The following ANO10 variants were observed in gnomAD, a reference collection of about 807,000 sequenced individuals.
ANO10 encodes the protein anoctamin-10.
ANO10 carries 77 observed loss-of-function variants against 74.7 expected under a neutral mutation model. The observed-to-expected ratio is 1.03, with a 90% confidence interval of 0.86 to 1.25. The LOEUF (loss-of-function observed/expected upper bound fraction) is 1.25, where lower values mean the gene tolerates loss of function less well. Ranked by LOEUF, ANO10 falls within the 50% of genes most tolerant of loss-of-function variation. ANO10 has a pLI of 0.00. For synonymous variants in ANO10, 279 were observed against 284.9 expected, an observed-to-expected ratio of 0.98 and a Z score of 0.21; for missense variants, 721 against 778.1, an observed-to-expected ratio of 0.93 and a Z score of 0.87.
At chr3:43,455,200 C>T (rs571524190) in intron 11 of ANO10, among the ~76,000 whole-genome samples, 67 of 152,120 alleles carry the variant, frequency 4.4e-4, no homozygotes, top group African/African-American at 1.5e-3. Flanking sequence ...GGGAAGGAGG[C>T]ACTGGAGGAC....
chr3:43,377,782 T>C lies in ANO10; in HGVS notation c.1915-10808A>G, dbSNP rs991946460. On this transcript the variant is annotated intron_variant, in intron 12 of 12. Transcript: ENST00000292246. ...TCCTTCAGTGAAAGCCATGGCTAGG[T>C]GACATTTACAGATCCAGGAATTGAA... Among the ~76,000 whole-genome samples the C allele has an allele frequency of 2.5e-4, 38 of 152,128 alleles. 1 individual carries two copies. Among genetic ancestry groups the C allele is most frequent in the Non-Finnish European group, 1.3e-4 (9 of 68,022 alleles).
chr3:43,670,828 C>A (rs1243305641), intron 1 of ANO10, among the ~76,000 whole-genome samples: 1 of 152,132 alleles, frequency 6.6e-6, no homozygotes, highest in Non-Finnish European at 1.5e-5. Context: ...CTTTCAACTG[C>A]CCTACAACAG....
At chr3:43,442,203 G>T (rs1319705866) in intron 11 of ANO10, among the ~76,000 whole-genome samples, 1 of 151,678 alleles carries the variant, frequency 6.6e-6, no homozygotes, top group Non-Finnish European at 1.5e-5. Flanking sequence ...ATAAATAAAA[G>T]GTATCCAAAT....
intron 12 of ANO10, among the ~76,000 whole-genome samples, chr3:43,391,336 T>C (rs757358376): frequency 3.3e-5 from 5 of 152,194 alleles, no homozygotes; most frequent in Non-Finnish European, 5.9e-5. Context: ...CAACTGACTA[T>C]TCTGAGGAAA....
intron 1 of ANO10, among the ~76,000 whole-genome samples, chr3:43,656,751 G>A (rs1341639570): frequency 6.6e-6 from 1 of 152,242 alleles, no homozygotes; most frequent in Non-Finnish European, 1.5e-5. Context: ...CGCCCACCTG[G>A]AACTCCAGCT....
chr3:43,482,812 G>T (rs987796704), intron 11 of ANO10, among the ~76,000 whole-genome samples: 1 of 152,224 alleles, frequency 6.6e-6, no homozygotes, highest in East Asian at 1.9e-4. Flanking sequence ...GCAGGGTGGA[G>T]CCTAGGCTGG....
At chr3:43,501,038 G>A (rs1187716802) in intron 11 of ANO10, among the ~76,000 whole-genome samples, 3 of 152,118 alleles carry the variant, frequency 2.0e-5, no homozygotes, top group Admixed American at 6.5e-5. Context: ...AGATGCCATC[G>A]TCCATTAGTA....
In ANO10 at chr3:43,674,239, A is replaced by T. The variant is rs2084093944; in HGVS notation, c.-12+17278T>A. ...ACTGTAATGTTGAACTTCTGGGCTC[A>T]AGTGATCTTCCCTCCTTATCCTCCA... On this transcript the variant is annotated intron_variant, in intron 1 of 3. Transcript: ENST00000413397. Among the ~76,000 whole-genome samples the T allele has an allele frequency of 2.0e-5, 3 of 152,194 alleles. 1 individual carries two copies. The South Asian group carries it at 6.2e-4, about 31-fold the overall frequency.
chr3:43,424,344 T>C (rs35015014), intron 12 of ANO10, among the ~76,000 whole-genome samples: 28,183 of 152,250 alleles, frequency 0.19, 3,134 homozygotes, highest in Middle Eastern at 0.36. Flanking sequence ...ACTTAGTTTA[T>C]AGTTTAACTT....
intron 4 of ANO10, among the ~76,000 whole-genome samples, chr3:43,585,579 C>G (rs1293158886): frequency 2.0e-5 from 3 of 152,172 alleles, no homozygotes; most frequent in Non-Finnish European, 4.4e-5. Context: ...AAAGAGCACA[C>G]ACACTCTTTT....
chr3:43,432,968 T>TTTTTTTTTTTTTTG, intron 11 of ANO10, among the ~76,000 whole-genome samples: 1 of 118,094 alleles, frequency 8.5e-6, no homozygotes, highest in Non-Finnish European at 1.8e-5. Context: ...TTTTTTTTTT[T>TTTTTTTTTTTTTTG]TTTTTTGAGA....
intron 8 of ANO10, among the ~76,000 whole-genome samples, chr3:43,563,427 T>G (rs1306232661): frequency 6.6e-6 from 1 of 151,098 alleles, no homozygotes; most frequent in African/African-American, 2.4e-5. Context: ...GGTTTTTTTT[T>G]TTTTTTTTTT....
At chr3:43,572,458 C>T (rs372913178) in intron 7 of ANO10, among the ~76,000 whole-genome samples, 1 of 152,184 alleles carries the variant, frequency 6.6e-6, no homozygotes, top group East Asian at 1.9e-4. Context: ...TAAGAGGCCT[C>T]TTCATGCCTA....
intron 1 of ANO10, among the ~76,000 whole-genome samples, chr3:43,608,562 G>A (rs1203141944): frequency 6.6e-6 from 1 of 152,098 alleles, no homozygotes; most frequent in African/African-American, 2.4e-5. Context: ...ATAAGCCACT[G>A]CACATGGCCT....
intron 11 of ANO10, among the ~76,000 whole-genome samples, chr3:43,438,660 T>C (rs2093112379): frequency 6.6e-6 from 1 of 151,898 alleles, no homozygotes; most frequent in Non-Finnish European, 1.5e-5. Flanking sequence ...TGCAGGAGAA[T>C]TGCTTGAATC....
chr3:43,405,511 G>T (rs1267242430), intron 12 of ANO10, among the ~76,000 whole-genome samples: 18 of 152,136 alleles, frequency 1.2e-4, no homozygotes, highest in Admixed American at 1.0e-3. Context: ...CTTGAGACAG[G>T]GTCTCACTCC....
At chr3:43,690,754 C>A (rs1423894008) in intron 1 of ANO10, 5 of 429,552 alleles carry the variant, frequency 1.2e-5, no homozygotes, top group South Asian at 5.8e-5. Flanking sequence ...CCGCCCCGCG[C>A]TTACACCCGG....
chr3:43,556,895 G>A (rs932041017), intron 9 of ANO10, among the ~76,000 whole-genome samples: 1 of 152,046 alleles, frequency 6.6e-6, no homozygotes, highest in Admixed American at 6.6e-5. Flanking sequence ...AAAACTGAAG[G>A]AAGAAAGAAA....
chr3:43,437,862 T>C (rs2093093968), intron 11 of ANO10, among the ~76,000 whole-genome samples: 1 of 137,328 alleles, frequency 7.3e-6, no homozygotes. Context: ...CAAAAGGGCA[T>C]CTGAAAAAAA....
Sources: gnomAD v4.1 joint callset for allele counts (sites outside exome capture counted in the v4.1 genomes callset) on GRCh38, gnomAD v4.1.1 for gene constraint, MANE v1.5 for transcripts, NCBI Gene and HGNC (gene_info 2026-07-23, HGNC 2026-07-21) for gene names.